CCNH: variants seen among roughly 807,000 people sequenced by gnomAD.
CCNH encodes cyclin-H.
Under a neutral mutation model 41.9 loss-of-function variants are expected in CCNH, and 31 were observed. That is an observed-to-expected ratio of 0.74 (90% confidence interval 0.56 to 1.00). The LOEUF is 1.00. Ranked by LOEUF, CCNH falls within the 50% of genes least tolerant of loss-of-function variation. The probability of loss-of-function intolerance (pLI) is 0.00; values close to 1 mark genes in which losing one functional copy is unlikely to be tolerated. For missense variants in CCNH, 362 were observed against 388.4 expected (o/e 0.93, Z 0.57); for synonymous variants, 138 against 136.1 (o/e 1.01, Z -0.10).
intron 9 of CCNH, among the ~76,000 whole-genome samples, chr5:87,350,736 A>T (rs1759199901): frequency 6.6e-6 from 1 of 151,550 alleles, no homozygotes; most frequent in African/African-American, 2.4e-5. Flanking sequence ...AAAAAGTTAA[A>T]TGTATGTTAA....
rs1395872985 is a variant in CCNH at position 87,394,344 on chromosome 5, AT to A, written c.*101del. 6.8e-7 allele frequency: 1 copy of A among 1,460,438 alleles called. No homozygotes were observed. Among genetic ancestry groups the A allele is most frequent in the African/African-American group, 1.5e-5 (1 of 68,690 alleles). 90.5% of individuals were successfully genotyped at this position (1,460,438 alleles called of 1,614,324 possible). ...AAGAAAACAATAGAAAAGTTTTAAT[AT>A]ATTTTATGTTTTCACATTATACTTT... is the stretch of plus-strand genomic sequence containing the variant. On this transcript the variant is annotated 3_prime_UTR_variant, in exon 9 of 9. Coordinates refer to ENST00000256897, the MANE Select transcript of CCNH (RefSeq NM_001239.4).
At chr5:87,338,534 A>ATATATATATATATATATATATAT (rs1561292504) in intron 9 of CCNH, among the ~76,000 whole-genome samples, 5 of 46,112 alleles carry the variant, frequency 1.1e-4, no homozygotes, top group African/African-American at 1.6e-4. Flanking sequence ...TATATATATA[A>ATATATATATATATATATATATAT]AATTTTTTTT....
downstream of CCNH, chr5:87,391,889 TTAAAA>T (rs1762553536): frequency 4.4e-6 from 1 of 229,576 alleles, no homozygotes; most frequent in Non-Finnish European, 8.6e-6. Context: ...AAAGGTTAAG[TTAAAA>T]TAAAACCAAG....
At chr5:87,367,079 T>C (rs1228429031) in intron 9 of CCNH, among the ~76,000 whole-genome samples, 2 of 152,134 alleles carry the variant, frequency 1.3e-5, no homozygotes, top group East Asian at 3.9e-4. Flanking sequence ...TTTCAAAGTA[T>C]GCTACTTTAT....
At chr5:87,405,562 A>G (rs2112571001) in intron 4 of CCNH, among the ~76,000 whole-genome samples, 1 of 152,274 alleles carries the variant, frequency 6.6e-6, no homozygotes, top group Admixed American at 6.5e-5. Context: ...AAGCACTAAG[A>G]AAGCTTTTCT....
chr5:87,391,156 G>GAAATGCTAT, downstream of CCNH: 2 of 559,206 alleles, frequency 3.6e-6, no homozygotes, highest in South Asian at 4.3e-5. Flanking sequence ...TTCACAAAAC[G>GAAATGCTAT]AAATGCTATG....
In CCNH at chr5:87,394,336, G is replaced by C. The variant is rs1455889504; in HGVS notation, c.*110C>G. ...GAAAGGGAAAGAAAACAATAGAAAA[G>C]TTTTAATATATTTTATGTTTTCACA... is the stretch of plus-strand genomic sequence containing the variant. On this transcript the variant is annotated 3_prime_UTR_variant, in exon 9 of 9. Coordinates refer to ENST00000256897, the MANE Select transcript of CCNH (RefSeq NM_001239.4). The C allele has an allele frequency of 1.4e-6, 2 of 1,435,208 alleles. No individual in the cohort carries two copies. Among genetic ancestry groups the C allele is most frequent in the Non-Finnish European group, 1.8e-6 (2 of 1,086,452 alleles). 88.9% of individuals were successfully genotyped at this position (1,435,208 alleles called of 1,614,324 possible).
rs752280214 is a variant in CCNH at position 87,331,424 on chromosome 5, A to G, written c.*91-12527T>C. 3.1e-6 allele frequency: 5 copies of G among 1,613,886 alleles called. No homozygotes were observed. The highest frequency in any genetic ancestry group is 3.4e-6 in the Non-Finnish European group (4 of 1,179,806). Reference sequence around the variant, plus strand: ...GGCAGGGAAGTCTGGCAGTTATCTTATAAGAGAGAGTGATCGGAGGCCAGG... The same window carrying G: ...GGCAGGGAAGTCTGGCAGTTATCTTGTAAGAGAGAGTGATCGGAGGCCAGG... On this transcript the variant is annotated intron_variant and NMD_transcript_variant, in intron 9 of 9. Transcript: ENST00000645953.
intron 9 of CCNH, among the ~76,000 whole-genome samples, chr5:87,321,644 G>A (rs1756817669): frequency 6.6e-6 from 1 of 152,270 alleles, no homozygotes; most frequent in African/African-American, 2.4e-5. Flanking sequence ...ATAGGGCAAG[G>A]TCTGGAAGGG....
At chr5:87,312,308 TGTTAA>T in the CCNH span, among the ~76,000 whole-genome samples, 45 of 152,240 alleles carry the variant, frequency 3.0e-4, no homozygotes, top group African/African-American at 9.4e-4. Context: ...ATCTGTCTTC[TGTTAA>T]GTTAGATAGT....
the CCNH span, among the ~76,000 whole-genome samples, chr5:87,312,678 A>G: frequency 6.6e-6 from 1 of 152,206 alleles, no homozygotes; most frequent in Non-Finnish European, 1.5e-5. Context: ...TCTCAGGGAT[A>G]TCTGGAACTG....
At chr5:87,385,302 T>G in intron 9 of CCNH, 1 of 1,600,948 alleles carries the variant, frequency 6.2e-7, no homozygotes. Context: ...CTGTTACAGA[T>G]TCTCCATCTC....
At chr5:87,356,383 A>AGTTTTTTTT (rs1554047341) in intron 9 of CCNH, among the ~76,000 whole-genome samples, 1 of 141,722 alleles carries the variant, frequency 7.1e-6, no homozygotes, top group Non-Finnish European at 1.6e-5. Flanking sequence ...GATGATTGTT[A>AGTTTTTTTT]TTTTTTTTTT....
chr5:87,373,589 T>C (rs1761107076), downstream of CCNH, among the ~76,000 whole-genome samples: 1 of 152,136 alleles, frequency 6.6e-6, no homozygotes, highest in South Asian at 2.1e-4. Flanking sequence ...AAGTAGTATA[T>C]GGCAAGAGAG....
chr5:87,312,023 G>C, the CCNH span, among the ~76,000 whole-genome samples: 2 of 152,188 alleles, frequency 1.3e-5, no homozygotes, highest in African/African-American at 4.8e-5. Context: ...GTAATGTTTT[G>C]ATAATGTAAA....
At position 87,333,088 on chromosome 5, in the gene CCNH, C is replaced by T. The variant is rs1757712629; in HGVS notation, c.*91-14191G>A. 2.0e-5 allele frequency among the ~76,000 whole-genome samples: 3 copies of T among 151,926 alleles called. No individual in the cohort carries two copies. In the South Asian group the frequency reaches 6.2e-4, roughly 31 times the overall value. The stretch of plus-strand genomic sequence containing the variant: ...ATTTAAAATATGATTTTCATAAAAA[C>T]AGGAACAACAAAAAAGCCTTTCTAG... On this transcript the variant is annotated intron_variant and NMD_transcript_variant, in intron 9 of 9. Transcript: ENST00000645953.
downstream of CCNH, chr5:87,391,071 T>C (rs1762478792): frequency 4.5e-6 from 3 of 672,446 alleles, no homozygotes; most frequent in Non-Finnish European, 8.0e-6. Context: ...GTAAGCTATC[T>C]GTGCAGGATA....
chr5:87,361,950 G>A (rs1760130679), intron 9 of CCNH, among the ~76,000 whole-genome samples: 1 of 152,116 alleles, frequency 6.6e-6, no homozygotes, highest in Non-Finnish European at 1.5e-5. Context: ...TTGAAGCATG[G>A]GAATGTTGCA....
chr5:87,376,437 A>G, exon 1 of CCNH: 1 of 1,614,034 alleles, frequency 6.2e-7, no homozygotes, highest in Non-Finnish European at 8.5e-7. Context: ...AGGGCATGCC[A>G]CAGATGAATG....
Sources: gnomAD v4.1 joint callset for allele counts (sites outside exome capture counted in the v4.1 genomes callset) on GRCh38, gnomAD v4.1.1 for gene constraint, MANE v1.5 for transcripts, NCBI Gene and HGNC (gene_info 2026-07-23, HGNC 2026-07-21) for gene names.